The following SFMBT2 variants were observed in gnomAD, a reference collection of about 807,000 sequenced individuals.
The protein encoded by SFMBT2 is Scm like with four mbt domains 2.
In SFMBT2, 38 loss-of-function variants were observed where a neutral mutation model predicts 110.1. The observed-to-expected ratio is 0.35, with a 90% CI of 0.27 to 0.45. The LOEUF is 0.45. Ranked by LOEUF, SFMBT2 falls within the 20% of genes least tolerant of loss-of-function variation. SFMBT2 has a pLI of 1.00. For missense variants in SFMBT2, 1,011 were observed against 1,094.9 expected (o/e 0.92, Z 1.08); for synonymous variants, 425 against 425.4 (o/e 1.00, Z 0.01).
At chr10:7,315,452 C>T (rs1842984888) in intron 4 of SFMBT2, among the ~76,000 whole-genome samples, 1 of 152,222 alleles carries the variant, frequency 6.6e-6, no homozygotes, top group South Asian at 2.1e-4. Context: ...AATATTGGCT[C>T]TTCCTGGGTC....
chr10:7,364,937 G>T (rs1219335374), intron 4 of SFMBT2, among the ~76,000 whole-genome samples: 1 of 152,210 alleles, frequency 6.6e-6, no homozygotes, highest in East Asian at 1.9e-4. Context: ...CCTCCATCAA[G>T]GCTGATTTAC....
chr10:7,221,808 T>A (rs139052823), intron 10 of SFMBT2, among the ~76,000 whole-genome samples: 2 of 152,284 alleles, frequency 1.3e-5, no homozygotes, highest in African/African-American at 4.8e-5. Flanking sequence ...GGGTATACTG[T>A]TCTCCGAGGG....
chr10:7,378,143 TATGGATGGGTGG>T lies in SFMBT2; in HGVS notation c.100+3644_100+3655del, dbSNP rs1176682353. On this transcript the variant is annotated intron_variant, in intron 2 of 20. Coordinates refer to ENST00000397167, the MANE Select transcript of SFMBT2 (RefSeq NM_001387889.1). ...ATGGGTGTGAGTGTGGGTGTGAGTG[TATGGATGGGTGG>T]ATGGATGGGTGGATGGATGGGTGTG... Among the ~76,000 whole-genome samples, 12 of 109,778 alleles carry T rather than the reference TATGGATGGGTGG, an allele frequency of 1.1e-4. No homozygotes were observed. The East Asian group carries it at 1.2e-3, about 11-fold the overall frequency. The allele number at this position is 109,778 out of a possible 152,430, so 72.0% of individuals were successfully genotyped here.
intron 4 of SFMBT2, among the ~76,000 whole-genome samples, chr10:7,335,122 C>G (rs1843677527): frequency 6.6e-6 from 1 of 152,104 alleles, no homozygotes; most frequent in African/African-American, 2.4e-5. Flanking sequence ...GAAAACAGAA[C>G]GGTGGTTGCC....
intron 6 of SFMBT2, among the ~76,000 whole-genome samples, chr10:7,283,003 G>A (rs1841990354): frequency 6.6e-6 from 1 of 152,172 alleles, no homozygotes; most frequent in Non-Finnish European, 1.5e-5. Flanking sequence ...AGGGGTGGGA[G>A]GGGCCCAGCA....
intron 2 of SFMBT2, among the ~76,000 whole-genome samples, chr10:7,371,894 C>T (rs1202136601): frequency 6.9e-6 from 1 of 145,384 alleles, no homozygotes; most frequent in African/African-American, 2.5e-5. Flanking sequence ...CTTCTGGAGA[C>T]TATCACTACT....
At chr10:7,266,887 T>C (rs1333877493) in intron 7 of SFMBT2, among the ~76,000 whole-genome samples, 2 of 152,130 alleles carry the variant, frequency 1.3e-5, no homozygotes, top group Non-Finnish European at 2.9e-5. Context: ...CTGGGAGGCC[T>C]AGGCTGTGGT....
chr10:7,361,322 T>A (rs1432651194), intron 4 of SFMBT2, among the ~76,000 whole-genome samples: 1 of 152,218 alleles, frequency 6.6e-6, no homozygotes, highest in Admixed American at 6.5e-5. Context: ...AGGGTCAGTC[T>A]CATAAAAACA....
intron 9 of SFMBT2, among the ~76,000 whole-genome samples, chr10:7,238,052 T>C (rs1442063011): frequency 6.6e-6 from 1 of 152,128 alleles, no homozygotes; most frequent in Non-Finnish European, 1.5e-5. Flanking sequence ...CTGGGTGCTG[T>C]AGGCTGTTGC....
At position 7,170,826 on chromosome 10, in the gene SFMBT2, A is replaced by G. The variant is rs1350409393; in HGVS notation, c.2544+102T>C. 5.7e-6 allele frequency: 8 copies of G among 1,413,410 alleles called. No homozygotes were observed. The African/African-American group carries it at 8.5e-5, about 15-fold the overall frequency. 87.6% of individuals were successfully genotyped at this position (1,413,410 alleles called of 1,614,324 possible). ...CACACCTGCCGAGCAGCGCCGAAGA[A>G]CCCCCTCGCAGGTGTCACGAGGAAG... On this transcript the variant is annotated intron_variant, in intron 20 of 20. Transcript: ENST00000397167. This position sits in a 1 kb window ranked among gnomAD's most constrained non-coding sequence, Gnocchi z 4.6.
At chr10:7,185,238 G>C (rs1253222368) in intron 16 of SFMBT2, among the ~76,000 whole-genome samples, 1 of 152,156 alleles carries the variant, frequency 6.6e-6, no homozygotes, top group Admixed American at 6.5e-5. Context: ...AAATAGACTG[G>C]TTCATGGCTT....
At chr10:7,378,004 G>A (rs1286235387) in intron 2 of SFMBT2, among the ~76,000 whole-genome samples, 1 of 151,344 alleles carries the variant, frequency 6.6e-6, no homozygotes, top group Non-Finnish European at 1.5e-5. Context: ...TGTGAATGTG[G>A]GGGTGTATGT....
chr10:7,313,383 T>C (rs1842907767), intron 4 of SFMBT2, among the ~76,000 whole-genome samples: 1 of 152,182 alleles, frequency 6.6e-6, no homozygotes, highest in African/African-American at 2.4e-5. Context: ...GATGGCACGA[T>C]TGCAGCTCAC....
intron 4 of SFMBT2, among the ~76,000 whole-genome samples, chr10:7,316,973 A>G (rs1469022861): frequency 6.6e-6 from 1 of 152,074 alleles, no homozygotes; most frequent in African/African-American, 2.4e-5. Context: ...TTGTTTCTCT[A>G]TTGATAAATG....
chr10:7,243,106 A>C (rs1192125174), intron 9 of SFMBT2, among the ~76,000 whole-genome samples: 1 of 152,230 alleles, frequency 6.6e-6, no homozygotes, highest in Non-Finnish European at 1.5e-5. Flanking sequence ...TAATTATTTT[A>C]AAGTATTATA....
At chr10:7,368,917 T>C (rs1844989121) in intron 3 of SFMBT2, among the ~76,000 whole-genome samples, 1 of 152,098 alleles carries the variant, frequency 6.6e-6, no homozygotes. Context: ...GCATGATGAG[T>C]ATAAAGAGAA....
At chr10:7,400,300 G>A (rs1846039171) in intron 1 of SFMBT2, among the ~76,000 whole-genome samples, 1 of 152,212 alleles carries the variant, frequency 6.6e-6, no homozygotes, top group African/African-American at 2.4e-5. Flanking sequence ...AGTTCAGTCA[G>A]TCTTAAAGGC....
intron 16 of SFMBT2, among the ~76,000 whole-genome samples, chr10:7,185,892 G>A (rs1838387397): frequency 6.6e-6 from 1 of 151,792 alleles, no homozygotes; most frequent in South Asian, 2.1e-4. Flanking sequence ...AAACAATGCA[G>A]GTAAATTGAG....
chr10:7,335,582 AACACAC>A lies in SFMBT2; in HGVS notation c.436+32061_436+32066del, dbSNP rs3065781. On this transcript the variant is annotated intron_variant, in intron 4 of 20. Coordinates refer to ENST00000397167, the MANE Select transcript of SFMBT2 (RefSeq NM_001387889.1). ...AAAGATATTCAGAAACAGAAACAGAAACACACACACACACACACACACACACACACA... is the reference window on the plus strand; with the variant it reads ...AAAGATATTCAGAAACAGAAACAGAAACACACACACACACACACACACACA... Among the ~76,000 whole-genome samples the A allele has an allele frequency of 6.5e-3, 932 of 142,990 alleles. 3 individuals are homozygous for A. Among genetic ancestry groups the A allele is most frequent in the African/African-American group, 8.3e-3 (316 of 38,210 alleles). 93.8% of individuals were successfully genotyped at this position (142,990 alleles called of 152,430 possible). A position where few individuals can be genotyped will look rare whatever the true frequency, so the allele number is the denominator to read the frequency against.
Sources: gnomAD v4.1 joint callset for allele counts (sites outside exome capture counted in the v4.1 genomes callset) on GRCh38, gnomAD v4.1.1 for gene constraint, Gnocchi (gnomAD v3.1) non-coding constraint, MANE v1.5 for transcripts, NCBI Gene and HGNC (gene_info 2026-07-23, HGNC 2026-07-21) for gene names.